COLEC10: variants seen among roughly 807,000 people sequenced by gnomAD.
COLEC10 encodes the protein collectin-10.
Under a neutral mutation model 28.4 loss-of-function variants are expected in COLEC10, and 22 were observed. That is an observed-to-expected ratio of 0.78 (90% CI 0.55 to 1.11). The LOEUF is 1.11. COLEC10 is among the 50% of genes least tolerant of loss of function. COLEC10 has a pLI of 0.00. For missense variants in COLEC10, 361 were observed against 344.1 expected, an observed-to-expected ratio of 1.05 and a Z score of -0.39; for synonymous variants, 125 against 116.1, an observed-to-expected ratio of 1.08 and a Z score of -0.49.
At chr8:118,993,982 C>T (rs1398219658), upstream of COLEC10, among the ~76,000 whole-genome samples, 1 of 152,166 alleles carries the variant, frequency 6.6e-6, no homozygotes, top group Non-Finnish European at 1.5e-5. Flanking sequence ...ATAGCTAGGA[C>T]TTGCTTTTAG....
At chr8:119,078,129 C>A (rs989513676) in intron 1 of COLEC10, among the ~76,000 whole-genome samples, 1 of 152,216 alleles carries the variant, frequency 6.6e-6, no homozygotes, top group African/African-American at 2.4e-5. Flanking sequence ...CAAACACAAC[C>A]TACCAGGCCC....
At chr8:119,045,496 G>A (rs1228359070) in intron 2 of COLEC10, among the ~76,000 whole-genome samples, 3 of 152,174 alleles carry the variant, frequency 2.0e-5, no homozygotes, top group Admixed American at 2.0e-4. Flanking sequence ...ATGAATAGGC[G>A]TAGCTTCATT....
At chr8:119,063,702 T>C (rs1210608492), upstream of COLEC10, among the ~76,000 whole-genome samples, 1 of 149,724 alleles carries the variant, frequency 6.7e-6, no homozygotes, top group African/African-American at 2.5e-5. Flanking sequence ...GATATATATA[T>C]ATATTTTTTA....
chr8:119,003,454 G>A (rs750910107), intron 1 of COLEC10, among the ~76,000 whole-genome samples: 2 of 152,116 alleles, frequency 1.3e-5, no homozygotes, highest in Admixed American at 6.6e-5. Context: ...CTTGAAAAGT[G>A]AACACTTTCT....
At chr8:118,974,128 C>T in the COLEC10 span, among the ~76,000 whole-genome samples, 11 of 151,936 alleles carry the variant, frequency 7.2e-5, no homozygotes, top group Non-Finnish European at 1.5e-4. Context: ...CTATCTATAA[C>T]AGCAATTCCT....
chr8:119,100,395 C>T (rs1244993563), intron 3 of COLEC10, among the ~76,000 whole-genome samples: 1 of 152,182 alleles, frequency 6.6e-6, no homozygotes, highest in Non-Finnish European at 1.5e-5. Flanking sequence ...TGGTGATTGA[C>T]TGGTACTTAG....
chr8:118,991,925 G>T (rs1177802775), upstream of COLEC10, among the ~76,000 whole-genome samples: 1 of 152,098 alleles, frequency 6.6e-6, no homozygotes, highest in African/African-American at 2.4e-5. Flanking sequence ...GTTTACAGTT[G>T]TTGCCTAGAG....
chr8:119,063,477 C>T (rs117756306), upstream of COLEC10, among the ~76,000 whole-genome samples: 81 of 152,266 alleles, frequency 5.3e-4, no homozygotes, highest in East Asian at 9.1e-3. Context: ...TTTCTTGTTG[C>T]GTAACTCTCA....
At chr8:119,060,568 G>C (rs1475743832) in intron 2 of COLEC10, among the ~76,000 whole-genome samples, 2 of 152,118 alleles carry the variant, frequency 1.3e-5, no homozygotes, top group Non-Finnish European at 2.9e-5. Context: ...GTGAGCTACA[G>C]AAGACTAAAA....
chr8:118,993,865 G>T (rs1813546101), upstream of COLEC10, among the ~76,000 whole-genome samples: 1 of 152,112 alleles, frequency 6.6e-6, no homozygotes, highest in Admixed American at 6.6e-5. Context: ...TATAATAGGG[G>T]TTTATAGGAG....
At chr8:118,974,119 T>C in the COLEC10 span, among the ~76,000 whole-genome samples, 2 of 151,976 alleles carry the variant, frequency 1.3e-5, no homozygotes, top group Admixed American at 1.3e-4. Flanking sequence ...TAGTCTATGC[T>C]ATCTATAACA....
chr8:118,961,740 C>T, the COLEC10 span, among the ~76,000 whole-genome samples: 1 of 152,178 alleles, frequency 6.6e-6, no homozygotes, highest in African/African-American at 2.4e-5. Flanking sequence ...GATTGGAGAC[C>T]ATTCTTGGGC....
the COLEC10 span, among the ~76,000 whole-genome samples, chr8:118,987,441 GT>G: frequency 6.6e-6 from 1 of 152,248 alleles, no homozygotes; most frequent in African/African-American, 2.4e-5. Context: ...GTACAGGGCT[GT>G]AATCCCAGCT....
chr8:119,046,307 A>G (rs1016640480), intron 2 of COLEC10, among the ~76,000 whole-genome samples: 2 of 151,992 alleles, frequency 1.3e-5, no homozygotes, highest in African/African-American at 4.8e-5. Flanking sequence ...GCTCTAGGCT[A>G]TTTGTAGATT....
At chr8:119,058,916 C>A (rs1357386945) in intron 2 of COLEC10, among the ~76,000 whole-genome samples, 14 of 152,024 alleles carry the variant, frequency 9.2e-5, no homozygotes. Flanking sequence ...CGCATTTCAG[C>A]AAACAGTATT....
chr8:119,106,036 C>G lies in COLEC10; in HGVS notation c.679C>G (p.Pro227Ala). The G allele has an allele frequency of 6.2e-7, 1 of 1,613,832 alleles. No individual in the cohort carries two copies. The highest frequency in any genetic ancestry group is 8.5e-7 in the Non-Finnish European group (1 of 1,179,864). ...ACAGTACATGTTCACAGACAACACT[C>G]CACTGCAGAACTATAGCAACTGGAA... ...EGQYMFTDNT[P>A]LQNYSNWNEG... The change falls in exon 6 of 6, where the codon CCA (proline) becomes GCA (alanine). Residue 227 changes from proline (P) to alanine (A), a missense_variant. Physicochemically the swap from Pro to Ala is conservative, Grantham distance 27. This residue lies in a region of COLEC10 where 335 missense variants were observed against 308.5 expected (regional missense o/e 1.09). Transcript: ENST00000332843.
chr8:119,060,210 A>G (rs1340870999), intron 2 of COLEC10, among the ~76,000 whole-genome samples: 1 of 152,144 alleles, frequency 6.6e-6, no homozygotes, highest in East Asian at 1.9e-4. Flanking sequence ...GTAAGAAAAT[A>G]AGAGGAGCAA....
intron 5 of COLEC10, among the ~76,000 whole-genome samples, chr8:119,104,429 T>C (rs1158945): frequency 0.55 from 83,591 of 151,850 alleles, 23,572 homozygotes; most frequent in Middle Eastern, 0.72. Context: ...CTCTGACTCC[T>C]CTATCCACAA....
chr8:119,080,994 T>G (rs571330482), intron 1 of COLEC10, among the ~76,000 whole-genome samples: 1 of 152,274 alleles, frequency 6.6e-6, no homozygotes, highest in African/African-American at 2.4e-5. Flanking sequence ...ACTGTAATCC[T>G]TTTATTTTTA....
Sources: allele counts gnomAD v4.1 joint callset (sites outside exome capture counted in the v4.1 genomes callset), GRCh38; gene constraint gnomAD v4.1.1; regional missense constraint gnomAD v4.1.1; transcripts MANE v1.5; gene names NCBI Gene and HGNC (gene_info 2026-07-23, HGNC 2026-07-21).